Variants in MCUB observed in about 807,000 individuals in gnomAD.
The protein encoded by MCUB is calcium uniporter regulatory subunit MCUb, mitochondrial.
In MCUB, 46 loss-of-function variants were observed where a neutral mutation model predicts 41.4. That is an observed-to-expected ratio of 1.11 (90% CI 0.88 to 1.42). MCUB has a LOEUF of 1.42. Ranked by LOEUF, MCUB falls within the 40% of genes most tolerant of loss-of-function variation. The pLI, the probability that MCUB is intolerant of heterozygous loss-of-function variation, is 0.00. For missense variants in MCUB, 403 were observed against 404.9 expected (o/e 1.00, Z 0.04); for synonymous variants, 148 against 148.2 (o/e 1.00, Z 0.01).
At chr4:109,591,421 G>A (rs556083553) in intron 1 of MCUB, among the ~76,000 whole-genome samples, 2 of 152,152 alleles carry the variant, frequency 1.3e-5, no homozygotes, top group South Asian at 4.1e-4. Flanking sequence ...CCTGGCCTCA[G>A]GTGATCTGCC....
intron 3 of MCUB, among the ~76,000 whole-genome samples, chr4:109,663,669 C>G (rs930834299): frequency 6.6e-6 from 1 of 152,118 alleles, no homozygotes; most frequent in Admixed American, 6.5e-5. Context: ...AAATCAGTTA[C>G]CTCTAATAAT....
intron 1 of MCUB, among the ~76,000 whole-genome samples, chr4:109,595,352 A>T (rs1727529842): frequency 6.6e-6 from 1 of 152,248 alleles, no homozygotes; most frequent in Non-Finnish European, 1.5e-5. Flanking sequence ...ATGCAAGAGC[A>T]TGTCAGGGGT....
chr4:109,579,931 C>G (rs11943264), intron 1 of MCUB, among the ~76,000 whole-genome samples: 1 of 151,886 alleles, frequency 6.6e-6, no homozygotes, highest in African/African-American at 2.4e-5. Flanking sequence ...ATGTGCACAA[C>G]GTGCAGTTTG....
chr4:109,609,391 T>A (rs192041878), intron 1 of MCUB, among the ~76,000 whole-genome samples: 1 of 152,344 alleles, frequency 6.6e-6, no homozygotes, highest in Admixed American at 6.5e-5. Flanking sequence ...CTGACATTGC[T>A]ATGGCATTTG....
At chr4:109,687,076 C>T (rs1331821308) in intron 7 of MCUB, among the ~76,000 whole-genome samples, 1 of 151,598 alleles carries the variant, frequency 6.6e-6, no homozygotes, top group Non-Finnish European at 1.5e-5. Flanking sequence ...TAAAAAGATC[C>T]ACATATAAAA....
chr4:109,576,165 G>A (rs1446186527), intron 1 of MCUB, among the ~76,000 whole-genome samples: 1 of 152,168 alleles, frequency 6.6e-6, no homozygotes, highest in Non-Finnish European at 1.5e-5. Flanking sequence ...ACGAAATACG[G>A]ATCAAGAGGA....
chr4:109,687,379 T>G, intron 7 of MCUB, 136 bp from the exon 8 acceptor site: 2 of 598,468 alleles, frequency 3.3e-6, no homozygotes, highest in South Asian at 4.5e-5. Context: ...TATATATATT[T>G]CAGCCATTTG....
intron 1 of MCUB, among the ~76,000 whole-genome samples, chr4:109,583,487 A>G (rs1727232218): frequency 6.6e-6 from 1 of 152,188 alleles, no homozygotes. Context: ...TTTTCTAAAT[A>G]TACAGTCATG....
At chr4:109,587,067 G>T (rs1019882301) in intron 1 of MCUB, among the ~76,000 whole-genome samples, 3 of 152,230 alleles carry the variant, frequency 2.0e-5, no homozygotes, top group Admixed American at 6.5e-5. Flanking sequence ...CCCAGAGGTG[G>T]AGTCTACAGA....
At chr4:109,573,013 C>T (rs1726949208) in intron 1 of MCUB, among the ~76,000 whole-genome samples, 1 of 152,090 alleles carries the variant, frequency 6.6e-6, no homozygotes, top group Admixed American at 6.6e-5. Flanking sequence ...ATATTATAAA[C>T]TGTACCTGTG....
At chr4:109,589,059 A>G (rs1727374235) in intron 1 of MCUB, among the ~76,000 whole-genome samples, 1 of 152,188 alleles carries the variant, frequency 6.6e-6, no homozygotes, top group Non-Finnish European at 1.5e-5. Flanking sequence ...CATTGAATAT[A>G]TTGTGCTTTT....
intron 4 of MCUB, among the ~76,000 whole-genome samples, chr4:109,667,494 G>C (rs1729369183): frequency 6.6e-6 from 1 of 151,338 alleles, no homozygotes; most frequent in African/African-American, 2.4e-5. Flanking sequence ...AACCTGGCTA[G>C]AAGTTTATCA....
At chr4:109,583,918 T>G (rs559344651) in intron 1 of MCUB, among the ~76,000 whole-genome samples, 1 of 152,182 alleles carries the variant, frequency 6.6e-6, no homozygotes, top group South Asian at 2.1e-4. Flanking sequence ...GAAGCCAACT[T>G]GATCGTGGTG....
intron 1 of MCUB, among the ~76,000 whole-genome samples, chr4:109,574,236 T>C (rs188883790): frequency 1.3e-5 from 2 of 152,234 alleles, no homozygotes; most frequent in Admixed American, 6.5e-5. Flanking sequence ...GATGGTATCA[T>C]GTGAAAGAAG....
chr4:109,570,180 C>A (rs1039829507), intron 1 of MCUB, among the ~76,000 whole-genome samples: 7 of 152,236 alleles, frequency 4.6e-5, no homozygotes, highest in African/African-American at 1.7e-4. Flanking sequence ...TCATTTGGTA[C>A]TTCTGTACTC....
At chr4:109,571,357 G>C (rs1306078834) in intron 1 of MCUB, among the ~76,000 whole-genome samples, 2 of 152,124 alleles carry the variant, frequency 1.3e-5, no homozygotes, top group Non-Finnish European at 2.9e-5. Context: ...CTGTCACCCA[G>C]GCTGGGGTGC....
chr4:109,566,778 A>G (rs1726787919), intron 1 of MCUB, among the ~76,000 whole-genome samples: 2 of 152,236 alleles, frequency 1.3e-5, no homozygotes, highest in African/African-American at 4.8e-5. Flanking sequence ...AAGTGGTGGT[A>G]GGGCCAGGTT....
intron 1 of MCUB, among the ~76,000 whole-genome samples, chr4:109,586,403 T>C (rs895917178): frequency 3.3e-5 from 5 of 152,174 alleles, no homozygotes; most frequent in Non-Finnish European, 7.3e-5. Flanking sequence ...CGAACATCCT[T>C]CTTTAGCTCG....
chr4:109,638,587 A>G (rs1343452291), intron 1 of MCUB, among the ~76,000 whole-genome samples: 1 of 152,080 alleles, frequency 6.6e-6, no homozygotes, highest in Non-Finnish European at 1.5e-5. Flanking sequence ...GGCTGTGGCA[A>G]TTCCTTAAAA....
Sources: allele counts gnomAD v4.1 joint callset (sites outside exome capture counted in the v4.1 genomes callset), GRCh38; gene constraint gnomAD v4.1.1; transcripts MANE v1.5; gene names NCBI Gene and HGNC (gene_info 2026-07-23, HGNC 2026-07-21).